NSUN6: variants seen among roughly 807,000 people sequenced by gnomAD.
NSUN6 encodes the protein tRNA (cytosine(72)-C(5))-methyltransferase NSUN6.
NSUN6 carries 64 observed loss-of-function variants against 58.0 expected under a neutral mutation model. The ratio of observed to expected loss-of-function variants is 1.10; its 90% CI spans 0.90 to 1.36. The LOEUF (loss-of-function observed/expected upper bound fraction) is 1.36. NSUN6 is among the 40% of genes most tolerant of loss of function. The pLI is 0.00. For missense variants in NSUN6, 701 were observed against 550.1 expected, an observed-to-expected ratio of 1.27 and a Z score of -2.74; for synonymous variants, 231 against 193.9, an observed-to-expected ratio of 1.19 and a Z score of -1.59.
intron 8 of NSUN6, among the ~76,000 whole-genome samples, chr10:18,577,824 G>T (rs183415792): frequency 6.6e-6 from 1 of 152,106 alleles, no homozygotes; most frequent in Non-Finnish European, 1.5e-5. Context: ...ATCTACCCTG[G>T]CTCCCGCCAA....
chr10:18,561,133 G>A (rs958688430), intron 8 of NSUN6, among the ~76,000 whole-genome samples: 1 of 119,154 alleles, frequency 8.4e-6, no homozygotes, highest in Non-Finnish European at 1.8e-5. Context: ...ATGCAATGGA[G>A]AATGGAATGT....
At chr10:18,547,634 T>C (rs1444075828) in intron 10 of NSUN6, among the ~76,000 whole-genome samples, 2 of 152,226 alleles carry the variant, frequency 1.3e-5, no homozygotes, top group Non-Finnish European at 2.9e-5. Context: ...GCAAAGCTTT[T>C]TAAATATTAT....
chr10:18,630,861 C>T (rs2059005822), intron 3 of NSUN6, among the ~76,000 whole-genome samples: 1 of 152,010 alleles, frequency 6.6e-6, no homozygotes, highest in Non-Finnish European at 1.5e-5. Flanking sequence ...TGAAACTATT[C>T]CAATCAATAG....
intron 3 of NSUN6, among the ~76,000 whole-genome samples, chr10:18,627,321 T>A (rs1445717675): frequency 3.3e-5 from 5 of 152,222 alleles, no homozygotes; most frequent in Non-Finnish European, 7.3e-5. Context: ...ATAACTGTGA[T>A]ATCGAGCTTT....
At chr10:18,611,333 C>A (rs1478754812) in intron 5 of NSUN6, among the ~76,000 whole-genome samples, 1 of 152,060 alleles carries the variant, frequency 6.6e-6, no homozygotes. Flanking sequence ...AAGTTCATAG[C>A]TAGCTTATGG....
In NSUN6 at chr10:18,644,607, C is replaced by T. The variant is rs1032172559; in HGVS notation, c.232-2052G>A. Among the ~76,000 whole-genome samples, 29 of 150,996 alleles carry T rather than the reference C, an allele frequency of 1.9e-4. 1 individual carries two copies. Among genetic ancestry groups the T allele is most frequent in the South Asian group, 1.7e-3 (8 of 4,770 alleles). Reference sequence around the variant, plus strand: ...ATCCCAGCACTTTGGGAGGCCGAGGCGGGTGGATCACGAGGTCAGGAGATC... The same window carrying T: ...ATCCCAGCACTTTGGGAGGCCGAGGTGGGTGGATCACGAGGTCAGGAGATC... On this transcript the variant is annotated intron_variant, in intron 2 of 10. Coordinates refer to ENST00000377304, the MANE Select transcript of NSUN6 (RefSeq NM_182543.5).
At chr10:18,575,734 G>A (rs1320533495) in intron 8 of NSUN6, among the ~76,000 whole-genome samples, 1 of 152,156 alleles carries the variant, frequency 6.6e-6, no homozygotes, top group East Asian at 1.9e-4. Context: ...ACCACGGAAA[G>A]ATACTGGTCT....
At chr10:18,651,718 TTACGC>T, upstream of NSUN6, 1 of 985,670 alleles carries the variant, frequency 1.0e-6, no homozygotes, top group Non-Finnish European at 1.2e-6. Flanking sequence ...CAACACTGCG[TTACGC>T]TACGCCACGC....
upstream of NSUN6, chr10:18,651,646 G>C: frequency 1.0e-6 from 1 of 985,970 alleles, no homozygotes; most frequent in Admixed American, 6.1e-5. Flanking sequence ...CTTACGTCAC[G>C]TCCGGCGCCT....
upstream of NSUN6, chr10:18,653,158 A>G: frequency 4.1e-6 from 4 of 984,874 alleles, no homozygotes; most frequent in Non-Finnish European, 4.8e-6. Context: ...GAGGAGAAAC[A>G]AGTTGAACTA....
chr10:18,575,593 C>T (rs560915960), intron 8 of NSUN6, among the ~76,000 whole-genome samples: 2 of 152,194 alleles, frequency 1.3e-5, no homozygotes, highest in Admixed American at 6.6e-5. Flanking sequence ...TACTCCCTGG[C>T]ACCAACCCTC....
At chr10:18,587,244 T>TA (rs2057192168) in intron 7 of NSUN6, among the ~76,000 whole-genome samples, 1 of 152,202 alleles carries the variant, frequency 6.6e-6, no homozygotes, top group African/African-American at 2.4e-5. Context: ...CTAATGCTAT[T>TA]AGACGGCGGC....
intron 6 of NSUN6, among the ~76,000 whole-genome samples, chr10:18,607,824 C>G (rs891022635): frequency 6.6e-6 from 1 of 152,240 alleles, no homozygotes; most frequent in Admixed American, 6.5e-5. Flanking sequence ...CAACAAACTA[C>G]TCCTTTAATC....
Position 18,545,884 on chromosome 10 carries a change from A to AAAAAAAC in NSUN6, c.*48_*49insGTTTTTT. 1 of 1,084,936 alleles carries AAAAAAAC rather than the reference A, an allele frequency of 9.2e-7. No individual in the cohort carries two copies. Among genetic ancestry groups the AAAAAAAC allele is most frequent in the East Asian group, 2.4e-5 (1 of 42,098 alleles). 67.2% of individuals were successfully genotyped at this position (1,084,936 alleles called of 1,614,324 possible). A position where few individuals can be genotyped will look rare whatever the true frequency, so the allele number is the denominator to read the frequency against. On this transcript the variant is annotated 3_prime_UTR_variant, in exon 11 of 11. Transcript: ENST00000377304. ...CACTTTGGTTAAAAAAAAAAAAACC[A>AAAAAAAC]CAGACAGCAAATGTTTGGAATTTTC...
chr10:18,608,224 C>G (rs1191394934), intron 6 of NSUN6, among the ~76,000 whole-genome samples: 4 of 152,080 alleles, frequency 2.6e-5, no homozygotes, highest in Admixed American at 1.3e-4. Context: ...AAATGACTCA[C>G]AATATTTCAT....
At chr10:18,637,713 C>T (rs1396629147) in intron 3 of NSUN6, among the ~76,000 whole-genome samples, 1 of 152,146 alleles carries the variant, frequency 6.6e-6, no homozygotes, top group African/African-American at 2.4e-5. Flanking sequence ...CAGGAAAAAA[C>T]TAAATGTCTA....
intron 8 of NSUN6, among the ~76,000 whole-genome samples, chr10:18,554,551 G>T (rs540615988): frequency 6.6e-6 from 1 of 151,302 alleles, no homozygotes; most frequent in South Asian, 2.1e-4. Context: ...ATGGAATAGA[G>T]AATTGAATGG....
chr10:18,570,876 C>T (rs922222927), intron 8 of NSUN6, among the ~76,000 whole-genome samples: 1 of 151,614 alleles, frequency 6.6e-6, no homozygotes, highest in Non-Finnish European at 1.5e-5. Flanking sequence ...CCACTGCATT[C>T]CATAGCATTC....
intron 8 of NSUN6, among the ~76,000 whole-genome samples, chr10:18,579,114 G>T (rs1370076345): frequency 6.6e-6 from 1 of 152,176 alleles, no homozygotes; most frequent in Non-Finnish European, 1.5e-5. Context: ...AATTAGAAAG[G>T]CATGAGATAT....
Sources: allele counts gnomAD v4.1 joint callset (sites outside exome capture counted in the v4.1 genomes callset), GRCh38; gene constraint gnomAD v4.1.1; transcripts MANE v1.5; gene names NCBI Gene and HGNC (gene_info 2026-07-23, HGNC 2026-07-21).